Variants in MAVS observed in about 807,000 individuals in gnomAD.
MAVS encodes the protein mitochondrial antiviral-signaling protein.
In MAVS, 20 loss-of-function variants were observed where a neutral mutation model predicts 30.2. The ratio of observed to expected loss-of-function variants is 0.66; its 90% CI spans 0.47 to 0.96. MAVS has a LOEUF of 0.96. Ranked by LOEUF, MAVS falls within the 40% of genes least tolerant of loss-of-function variation. MAVS has a pLI of 0.00. For missense variants in MAVS, 624 were observed against 701.1 expected (o/e 0.89, Z 1.24); for synonymous variants, 278 against 293.9 (o/e 0.95, Z 0.55).
At chr20:3,864,190 C>A (rs751118650) in intron 5 of MAVS, 66 bp from the exon 6 acceptor site, 1 of 1,512,196 alleles carries the variant, frequency 6.6e-7, no homozygotes, top group Non-Finnish European at 8.9e-7. Flanking sequence ...CCAGAGGGAC[C>A]CTTCTCCAGG....
intron 3 of MAVS, among the ~76,000 whole-genome samples, chr20:3,858,689 GA>G (rs1191856833): frequency 6.7e-5 from 10 of 148,914 alleles, no homozygotes; most frequent in African/African-American, 1.5e-4. Context: ...AAAGACATGG[GA>G]AAAAAAATCA....
At position 3,870,063 on chromosome 20, in the gene MAVS, G is replaced by A. The variant is rs1568540795; in HGVS notation, c.*3916G>A. 6.6e-6 allele frequency: 1 copy of A among 152,376 alleles called. No individual in the cohort carries two copies. 9.4% of individuals were successfully genotyped at this position (152,376 alleles called of 1,614,324 possible). ...TCAGATCTCAGGAGTCCTGTGTTGA[G>A]AGTGTGGCTTTCAGCTGCGGGGAGC... On this transcript the variant is annotated 3_prime_UTR_variant, in exon 7 of 7. Transcript: ENST00000428216.
rs533758786 is a variant in MAVS, at chr20:3,860,700, G to A, written c.293-632G>A. 9.4e-5 allele frequency among the ~76,000 whole-genome samples: 14 copies of A among 149,658 alleles called. No homozygotes were observed. In the South Asian group the frequency reaches 1.5e-3, roughly 16 times the overall value. ...TCTTTTTCTTTTTTTCCCCCGAGAC[G>A]GAGTCTTGCTCTGTTGCCCAGGCTG... On this transcript the variant is annotated intron_variant, in intron 3 of 6. Transcript: ENST00000428216.
chr20:3,861,050 T>C (rs1426196287), intron 3 of MAVS, among the ~76,000 whole-genome samples: 7 of 149,930 alleles, frequency 4.7e-5, no homozygotes, highest in Admixed American at 6.7e-5. Flanking sequence ...TGGAGTGCAG[T>C]GGCGCGATCT....
chr20:3,865,790 C>T lies in MAVS; in HGVS notation c.1266C>T (p.Gly422=), dbSNP rs566820818. The change falls in exon 7 of 7, where the codon GGC becomes GGT. Residue 422 remains glycine (G), a synonymous_variant. Transcript: ENST00000428216. This position sits in a 1 kb window ranked among gnomAD's most constrained non-coding sequence, Gnocchi z 4.7. ...RGLGSELSKP[G]VLASQVDSPF... ...TTGGGTCGGAGCTGAGTAAGCCTGG[C>T]GTGCTGGCATCCCAGGTAGACAGCC... is the stretch of plus-strand genomic sequence containing the variant. 1.2e-4 allele frequency: 193 copies of T among 1,613,832 alleles called. 1 individual carries two copies. Among genetic ancestry groups the T allele is most frequent in the Middle Eastern group, 9.9e-4 (6 of 6,052 alleles).
chr20:3,873,533 C>CA lies in MAVS; in HGVS notation c.*7393dup. On this transcript the variant is annotated 3_prime_UTR_variant, in exon 7 of 7. Coordinates refer to ENST00000428216, the MANE Select transcript of MAVS (RefSeq NM_020746.5). ...TGGGTGACAGAGCGAGACTCCATCT[C>CA]AAAAAAATAATAAAGATGTGGGGCC... 1 of 152,308 alleles carries CA rather than the reference C, an allele frequency of 6.6e-6. No individual in the cohort carries two copies. Among genetic ancestry groups the CA allele is most frequent in the Non-Finnish European group, 1.5e-5 (1 of 68,244 alleles). The allele number at this position is 152,308 out of a possible 1,614,324, so 9.4% of individuals were successfully genotyped here.
At position 3,871,980 on chromosome 20, in the gene MAVS, G is replaced by A. The variant is rs533505089; in HGVS notation, c.*5833G>A. 6.6e-6 allele frequency: 1 copy of A among 152,432 alleles called. No individual in the cohort carries two copies. Among genetic ancestry groups the A allele is most frequent in the Non-Finnish European group, 1.5e-5 (1 of 68,024 alleles). The allele number at this position is 152,432 out of a possible 1,614,324, so 9.4% of individuals were successfully genotyped here. On this transcript the variant is annotated 3_prime_UTR_variant, in exon 7 of 7. Transcript: ENST00000428216. ...TAATCCTCATAATGACCCTATGAAA[G>A]AGATACCATCTCAACCCAATTGACA...
chr20:3,868,316 G>T lies in MAVS; in HGVS notation c.*2169G>T, dbSNP rs2089925029. 1 of 152,192 alleles carries T rather than the reference G, an allele frequency of 6.6e-6. No individual in the cohort carries two copies. The highest frequency in any genetic ancestry group is 6.6e-5 in the Admixed American group (1 of 15,260). The allele number at this position is 152,192 out of a possible 1,614,324, so 9.4% of individuals were successfully genotyped here. A position where few individuals can be genotyped will look rare whatever the true frequency, so the allele number is the denominator to read the frequency against. ...TAGTTTTATTGTATTACCGTTCCAGGGTAGCTTTGAAAAAAGTATCTCAAA... is the reference window on the plus strand; with the variant it reads ...TAGTTTTATTGTATTACCGTTCCAGTGTAGCTTTGAAAAAAGTATCTCAAA... On this transcript the variant is annotated 3_prime_UTR_variant, in exon 7 of 7. Coordinates refer to ENST00000428216, the MANE Select transcript of MAVS (RefSeq NM_020746.5).
intron 1 of MAVS, among the ~76,000 whole-genome samples, chr20:3,853,635 A>T (rs1301616095): frequency 2.0e-5 from 3 of 152,040 alleles, no homozygotes. Context: ...CTCTAGAAAA[A>T]ATAAAAAAAT....
chr20:3,853,716 CCCACG>C (rs1268396198), intron 1 of MAVS, among the ~76,000 whole-genome samples: 1 of 151,914 alleles, frequency 6.6e-6, no homozygotes, highest in Non-Finnish European at 1.5e-5. Flanking sequence ...ATTGCTTGAG[CCCACG>C]AGTTCGAGGC....
chr20:3,866,009 A>G lies in MAVS; in HGVS notation c.1485A>G (p.Pro495=). 6.2e-7 allele frequency: 1 copy of G among 1,612,902 alleles called. No homozygotes were observed. The highest frequency in any genetic ancestry group is 1.7e-5 in the Admixed American group (1 of 60,020). ...PPADPDGGPR[P]QADRKFQERE... is the part of the protein sequence containing the mutation. ...CGGACCCGGATGGCGGCCCCAGGCC[A>G]CAAGCCGACCGGAAGTTCCAGGAGA... Residue 495 remains proline (P), a synonymous_variant, in exon 7 of 7, where the codon CCA becomes CCG. Coordinates refer to ENST00000428216, the MANE Select transcript of MAVS (RefSeq NM_020746.5).
At position 3,864,643 on chromosome 20, in the gene MAVS, C is replaced by G. The variant is rs1283711976; in HGVS notation, c.1013C>G (p.Ser338Cys). Reference protein sequence around the residue: ...TSSKPPGAVPSNALTNPAPSK... With the variant: ...TSSKPPGAVPCNALTNPAPSK... ...TCAAAGCCCCCTGGTGCAGTGCCTT[C>G]TAATGCGCTCACCAATCCAGCACCA... Residue 338 changes from serine (S) to cysteine (C), a missense_variant, in exon 6 of 7, where the codon TCT becomes TGT. Physicochemically the swap from Ser to Cys is moderately radical, Grantham distance 112. Transcript: ENST00000428216. The G allele has an allele frequency of 6.2e-7, 1 of 1,614,244 alleles. No individual in the cohort carries two copies. Among genetic ancestry groups the G allele is most frequent in the Admixed American group, 1.7e-5 (1 of 60,024 alleles).
chr20:3,859,623 G>A (rs1376553547), intron 3 of MAVS, among the ~76,000 whole-genome samples: 1 of 152,038 alleles, frequency 6.6e-6, no homozygotes, highest in Admixed American at 6.6e-5. Flanking sequence ...GCAGGGGTCA[G>A]TGAGCAATGA....
chr20:3,863,260 T>C (rs111528802), intron 5 of MAVS, among the ~76,000 whole-genome samples: 11 of 152,272 alleles, frequency 7.2e-5, no homozygotes, highest in African/African-American at 2.6e-4. Context: ...CTCAGAAATA[T>C]ATAGTTGTCC....
At position 3,867,311 on chromosome 20, in the gene MAVS, G is replaced by A. The variant is rs1280151072; in HGVS notation, c.*1164G>A. The A allele has an allele frequency of 3.0e-6, 1 of 335,708 alleles. No individual in the cohort carries two copies. The highest frequency in any genetic ancestry group is 2.4e-5 in the South Asian group (1 of 41,748). 20.8% of individuals were successfully genotyped at this position (335,708 alleles called of 1,614,324 possible). On this transcript the variant is annotated 3_prime_UTR_variant, in exon 7 of 7. Transcript: ENST00000428216. ...ATTTCCCAGTGTTGTGAAGATTAAA[G>A]GAGTTTATCGATGTAGGTCTTAGGA...
intron 1 of MAVS, among the ~76,000 whole-genome samples, chr20:3,849,484 C>T (rs994632812): frequency 1.5e-4 from 23 of 152,194 alleles, no homozygotes; most frequent in African/African-American, 5.3e-4. Flanking sequence ...GGATTATAGG[C>T]GTGAGTCACG....
intron 3 of MAVS, among the ~76,000 whole-genome samples, chr20:3,858,775 A>T (rs940757056): frequency 6.7e-6 from 1 of 148,972 alleles, no homozygotes; most frequent in Non-Finnish European, 1.5e-5. Context: ...TGGGACATCC[A>T]TGTTTTTCTT....
chr20:3,853,216 G>A (rs1310572506), intron 1 of MAVS, among the ~76,000 whole-genome samples: 8 of 148,330 alleles, frequency 5.4e-5, no homozygotes, highest in East Asian at 4.2e-4. Flanking sequence ...GCCGGGCGCG[G>A]TGGCTCACGC....
In MAVS at chr20:3,857,951, A is replaced by G. The variant is rs1448377227; in HGVS notation, c.292+142A>G. 4 of 953,942 alleles carry G rather than the reference A, an allele frequency of 4.2e-6. No homozygotes were observed. In the East Asian group the frequency reaches 1.0e-4, roughly 25 times the overall value. 59.1% of individuals were successfully genotyped at this position (953,942 alleles called of 1,614,324 possible). A position where few individuals can be genotyped will look rare whatever the true frequency, so the allele number is the denominator to read the frequency against. On this transcript the variant is annotated intron_variant, in intron 3 of 6. Coordinates refer to ENST00000428216, the MANE Select transcript of MAVS (RefSeq NM_020746.5). ...AAGCGATGAATAAACCTGGGTGTAG[A>G]TCCAGGCTGAGCCACTTACCAGCTG...
Sources: allele counts gnomAD v4.1 joint callset (sites outside exome capture counted in the v4.1 genomes callset), GRCh38; gene constraint gnomAD v4.1.1; non-coding constraint Gnocchi (gnomAD v3.1); transcripts MANE v1.5; gene names NCBI Gene and HGNC (gene_info 2026-07-23, HGNC 2026-07-21).